The following ZMIZ1 variants were observed in gnomAD, a reference collection of about 807,000 sequenced individuals.
The protein encoded by ZMIZ1 is zinc finger MIZ domain-containing protein 1.
Under a neutral mutation model 113.9 loss-of-function variants are expected in ZMIZ1, and 17 were observed. The observed-to-expected ratio is 0.15, with a 90% CI of 0.10 to 0.22. The LOEUF (loss-of-function observed/expected upper bound fraction) is 0.22. Among genes scored for constraint, ZMIZ1 ranks in the 10% least tolerant of loss-of-function variants. The probability of loss-of-function intolerance (pLI) is 1.00; values close to 1 mark genes in which losing one functional copy is unlikely to be tolerated. For missense variants in ZMIZ1, 1,059 were observed against 1,477.8 expected (o/e 0.72, Z 4.65); for synonymous variants, 607 against 603.1 (o/e 1.01, Z -0.09).
chr10:79,200,424 C>T (rs909588673), intron 4 of ZMIZ1, among the ~76,000 whole-genome samples: 5 of 152,182 alleles, frequency 3.3e-5, no homozygotes, highest in Admixed American at 2.0e-4. Context: ...TTTTTCGAGC[C>T]GAAGGAGCTT....
At chr10:79,243,763 G>A in intron 7 of ZMIZ1, 1 of 237,990 alleles carries the variant, frequency 4.2e-6, no homozygotes, top group South Asian at 3.3e-5. Flanking sequence ...GGAGGGGTCG[G>A]CGCCTGGGCG....
chr10:79,292,084 C>G (rs1853530947), intron 10 of ZMIZ1, 74 bp from the exon 11 acceptor site: 1 of 1,423,982 alleles, frequency 7.0e-7, no homozygotes, highest in Admixed American at 1.8e-5. Flanking sequence ...CATCTCCCTT[C>G]CAGCCCACAG....
chr10:79,302,298 A>T (rs2132071996), intron 18 of ZMIZ1, 86 bp downstream of exon 18: 3 of 1,399,824 alleles, frequency 2.1e-6, no homozygotes, highest in Non-Finnish European at 3.0e-6. Context: ...TTCACCTGGA[A>T]CTGACCTTTG....
At chr10:79,297,517 C>A (rs1853979559) in intron 13 of ZMIZ1, 96 bp from the exon 14 acceptor site, 2 of 1,032,400 alleles carry the variant, frequency 1.9e-6, no homozygotes, top group Admixed American at 3.6e-5. Flanking sequence ...CCTGTAGCAT[C>A]CCCGTGCTCC....
chr10:79,203,330 G>A (rs1193543997), intron 5 of ZMIZ1, among the ~76,000 whole-genome samples: 1 of 152,168 alleles, frequency 6.6e-6, no homozygotes, highest in African/African-American at 2.4e-5. Flanking sequence ...ATTGAAGAAG[G>A]CTTGTTACAG....
chr10:79,216,476 C>A, intron 7 of ZMIZ1: 1 of 463,752 alleles, frequency 2.2e-6, no homozygotes, highest in East Asian at 3.7e-5. Context: ...AGGGAGTATA[C>A]TTGCCTCAGG....
At chr10:79,222,793 C>T (rs1242241179) in intron 7 of ZMIZ1, among the ~76,000 whole-genome samples, 1 of 152,170 alleles carries the variant, frequency 6.6e-6, no homozygotes, top group Non-Finnish European at 1.5e-5. Context: ...GCAGCAGCCC[C>T]AGGGCTCAGA....
chr10:79,101,949 TC>T (rs1419498855), intron 1 of ZMIZ1, among the ~76,000 whole-genome samples: 2 of 152,170 alleles, frequency 1.3e-5, no homozygotes, highest in African/African-American at 4.8e-5. Flanking sequence ...AGTGGCCAGC[TC>T]CAGGTCACAC....
intron 19 of ZMIZ1, 59 bp from the exon 20 acceptor site, chr10:79,305,105 C>T: frequency 6.3e-7 from 1 of 1,592,514 alleles, no homozygotes; most frequent in Middle Eastern, 1.7e-4. Context: ...GTCCCTGAGG[C>T]ACATCTAGGC....
intron 7 of ZMIZ1, among the ~76,000 whole-genome samples, chr10:79,265,720 G>A (rs1471524686): frequency 6.6e-6 from 1 of 152,030 alleles, no homozygotes; most frequent in Non-Finnish European, 1.5e-5. Flanking sequence ...TGCCCCAGAA[G>A]TGATGTTTTC....
chr10:79,105,380 C>G (rs1212111490), intron 1 of ZMIZ1, among the ~76,000 whole-genome samples: 1 of 152,210 alleles, frequency 6.6e-6, no homozygotes, highest in Non-Finnish European at 1.5e-5. Flanking sequence ...GGCCATTGGC[C>G]CACCTCTCTG....
chr10:79,227,734 C>T (rs1283315480), intron 7 of ZMIZ1, among the ~76,000 whole-genome samples: 1 of 152,188 alleles, frequency 6.6e-6, no homozygotes, highest in Admixed American at 6.5e-5. Flanking sequence ...AAATATGGAA[C>T]CCTTATGTGT....
intron 3 of ZMIZ1, among the ~76,000 whole-genome samples, chr10:79,153,549 C>T (rs1242821050): frequency 6.6e-6 from 1 of 152,252 alleles, no homozygotes; most frequent in Non-Finnish European, 1.5e-5. Context: ...CCAGCAGGTC[C>T]CCTGCAGACC....
In ZMIZ1 at chr10:79,208,354, A is replaced by G; in HGVS notation, c.79A>G (p.Asn27Asp). The G allele has an allele frequency of 6.2e-7, 1 of 1,614,112 alleles. No individual in the cohort carries two copies. Among genetic ancestry groups the G allele is most frequent in the South Asian group, 1.1e-5 (1 of 91,082 alleles). ...CCCACAGCACTTACAGAATCCTGCCAACTTCCACAATGCCGCCACGGAGCT... is the reference window on the plus strand; with the variant it reads ...CCCACAGCACTTACAGAATCCTGCCGACTTCCACAATGCCGCCACGGAGCT... Reference protein sequence around the residue: ...CIKQHLQNPANFHNAATELLD... With the variant: ...CIKQHLQNPADFHNAATELLD... The change falls in exon 6 of 25, where the codon AAC (asparagine) becomes GAC (aspartate). Residue 27 changes from asparagine (N) to aspartate (D), a missense_variant. Transcript: ENST00000334512.
At chr10:79,244,095 G>A (rs1011986045) in intron 7 of ZMIZ1, among the ~76,000 whole-genome samples, 1 of 152,266 alleles carries the variant, frequency 6.6e-6, no homozygotes, top group Non-Finnish European at 1.5e-5. Flanking sequence ...CGGCCAGGAT[G>A]CCTTCGGAGG....
At chr10:79,147,390 A>G (rs780159) in intron 3 of ZMIZ1, among the ~76,000 whole-genome samples, 103,072 of 152,100 alleles carry the variant, frequency 0.68, 35,919 homozygotes, top group East Asian at 0.86. Context: ...AGAGAAAGGG[A>G]CACACATGGG....
chr10:79,299,238 C>A (rs745976561), intron 16 of ZMIZ1, 47 bp downstream of exon 16: 2 of 1,563,254 alleles, frequency 1.3e-6, no homozygotes, highest in Non-Finnish European at 1.7e-6. Context: ...TGAAGGAGGT[C>A]CCCTGGGATG....
At chr10:79,122,787 G>T (rs575379447) in intron 2 of ZMIZ1, among the ~76,000 whole-genome samples, 1 of 152,196 alleles carries the variant, frequency 6.6e-6, no homozygotes, top group African/African-American at 2.4e-5. Flanking sequence ...CCTGGGCTGA[G>T]GTCAGACCCA....
chr10:79,285,562 T>C (rs567434285), intron 8 of ZMIZ1: 1 of 456,140 alleles, frequency 2.2e-6, no homozygotes, highest in South Asian at 1.5e-5. Flanking sequence ...ACACACTGTG[T>C]AGGTGGTCGG....
Sources: allele counts gnomAD v4.1 joint callset (sites outside exome capture counted in the v4.1 genomes callset), GRCh38; gene constraint gnomAD v4.1.1; transcripts MANE v1.5; gene names NCBI Gene and HGNC (gene_info 2026-07-23, HGNC 2026-07-21).